CCDC144A: variants seen among roughly 807,000 people sequenced by gnomAD.
CCDC144A encodes coiled-coil domain-containing protein 144A.
A neutral mutation model predicts 143.8 loss-of-function variants in CCDC144A; 41 were observed. That is an observed-to-expected ratio of 0.29 (90% CI 0.22 to 0.37). The LOEUF is 0.37. CCDC144A is among the 10% of genes least tolerant of loss of function. The pLI is 1.00. For synonymous variants in CCDC144A, 242 were observed against 517.9 expected, an observed-to-expected ratio of 0.47 and a Z score of 7.23; for missense variants, 637 against 1,488.8, an observed-to-expected ratio of 0.43 and a Z score of 9.41.
At chr17:16,743,189 A>G (rs1914337816) in intron 12 of CCDC144A, among the ~76,000 whole-genome samples, 1 of 152,096 alleles carries the variant, frequency 6.6e-6, no homozygotes, top group Non-Finnish European at 1.5e-5. Flanking sequence ...CATTTTCCAT[A>G]TATTTTCTTG....
upstream of CCDC144A, among the ~76,000 whole-genome samples, chr17:16,689,307 T>C (rs1375209604): frequency 2.6e-5 from 4 of 152,142 alleles, no homozygotes; most frequent in African/African-American, 7.2e-5. Context: ...GAGATTCTCC[T>C]GTCTCAGCCT....
chr17:16,734,888 A>G lies in CCDC144A; in HGVS notation c.2617A>G (p.Thr873Ala). 2.5e-6 allele frequency: 4 copies of G among 1,569,818 alleles called. No individual in the cohort carries two copies. Among genetic ancestry groups the G allele is most frequent in the Middle Eastern group, 1.9e-4 (1 of 5,160 alleles). Residue 873 changes from threonine to alanine, a missense_variant, in exon 12 of 17, where the codon ACA becomes GCA. Physicochemically the swap from Thr to Ala is moderately conservative, Grantham distance 58 (BLOSUM62 0). Transcript: ENST00000399273. Reference protein sequence around the residue: ...LQKIIKLNEETLTETILQYSG... With the variant: ...LQKIIKLNEEALTETILQYSG... ...AAAAATTATAAAACTAAATGAGGAA[A>G]CATTAACAGAAACAATACTCCAGTA...
At chr17:16,743,250 G>T (rs1375898683) in intron 12 of CCDC144A, among the ~76,000 whole-genome samples, 2 of 151,634 alleles carry the variant, frequency 1.3e-5, no homozygotes, top group Non-Finnish European at 2.9e-5. Flanking sequence ...AATCTATTTT[G>T]AGTTGATTTT....
chr17:16,676,657 A>C, the CCDC144A span, among the ~76,000 whole-genome samples: 1 of 152,076 alleles, frequency 6.6e-6, no homozygotes, highest in Non-Finnish European at 1.5e-5. Context: ...GACAATTGTC[A>C]ATTTTCTTTT....
chr17:16,668,845 G>T, the CCDC144A span, among the ~76,000 whole-genome samples: 3 of 152,088 alleles, frequency 2.0e-5, no homozygotes. Flanking sequence ...AGGCTTTCTG[G>T]CCTCTTCTTA....
intron 2 of CCDC144A, among the ~76,000 whole-genome samples, chr17:16,698,276 C>T (rs1911533373): frequency 1.3e-5 from 2 of 152,120 alleles, no homozygotes; most frequent in South Asian, 4.2e-4. Context: ...AGTCATGTTG[C>T]AAAAATTTAC....
At chr17:16,690,766 C>T (rs767861059) in intron 1 of CCDC144A, 22 bp downstream of exon 1, 13 of 1,578,568 alleles carry the variant, frequency 8.2e-6, no homozygotes, top group Admixed American at 7.0e-5. Flanking sequence ...GCGAAGGATG[C>T]GCCGTCCTGT....
At chr17:16,757,912 G>A (rs1433687286) in intron 12 of CCDC144A, among the ~76,000 whole-genome samples, 2 of 152,158 alleles carry the variant, frequency 1.3e-5, no homozygotes, top group African/African-American at 4.8e-5. Flanking sequence ...CTGGTTTTGA[G>A]ATGATCCTGG....
the CCDC144A span, chr17:16,683,315 A>G: frequency 3.4e-6 from 2 of 581,866 alleles, no homozygotes; most frequent in Non-Finnish European, 6.1e-6. Flanking sequence ...TTGTCATTTA[A>G]AAAACGAATG....
the CCDC144A span, among the ~76,000 whole-genome samples, chr17:16,682,897 T>TG: frequency 3.5e-4 from 40 of 113,618 alleles, 1 homozygote; most frequent in Admixed American, 2.9e-3. Flanking sequence ...TTTTTTTTTT[T>TG]TTTTTTTTTT....
At position 16,723,854 on chromosome 17, in the gene CCDC144A, A is replaced by G. The variant is rs546512084; in HGVS notation, c.1891+3196A>G. Among the ~76,000 whole-genome samples, 201 of 152,324 alleles carry G rather than the reference A, an allele frequency of 1.3e-3. 1 individual carries two copies. The highest frequency in any genetic ancestry group is 4.7e-3 in the African/African-American group (196 of 41,554). ...TCAGACAATACCAGATGCTTATTGT[A>G]TCATTTCCTCTGCTTGCTTTGAGTT... is the stretch of plus-strand genomic sequence containing the variant. On this transcript the variant is annotated intron_variant, in intron 8 of 16. Transcript: ENST00000399273.
At chr17:16,754,310 C>A (rs975967330) in intron 12 of CCDC144A, among the ~76,000 whole-genome samples, 2 of 152,112 alleles carry the variant, frequency 1.3e-5, no homozygotes, top group Non-Finnish European at 2.9e-5. Flanking sequence ...AGTTTTGGGT[C>A]TGTTCTTGCT....
At chr17:16,686,328 G>A (rs535261185), upstream of CCDC144A, among the ~76,000 whole-genome samples, 4,441 of 152,114 alleles carry the variant, frequency 0.029, 219 homozygotes, top group African/African-American at 0.1. Flanking sequence ...CAAGTTGCCA[G>A]TGACTGTGGC....
In CCDC144A at chr17:16,708,763, A is replaced by C. The variant is rs541214695; in HGVS notation, c.739-33A>C. 6.8e-6 allele frequency: 11 copies of C among 1,611,274 alleles called. No individual in the cohort carries two copies. In the South Asian group the frequency reaches 1.1e-4, roughly 16 times the overall value. On this transcript the variant is annotated intron_variant, in intron 4 of 16. Coordinates refer to ENST00000399273, the MANE Select transcript of CCDC144A (RefSeq NM_001382000.1). ...AGAGAAGACACCCAAGAAATAAAAC[A>C]AGCAAATTAATCTTCCACTTTTGCA...
At chr17:16,696,328 C>G (rs1276981197) in intron 2 of CCDC144A, among the ~76,000 whole-genome samples, 2 of 149,926 alleles carry the variant, frequency 1.3e-5, no homozygotes, top group Non-Finnish European at 2.9e-5. Flanking sequence ...CTTTTTAATA[C>G]TACAGAAATG....
the CCDC144A span, among the ~76,000 whole-genome samples, chr17:16,668,460 T>C: frequency 6.6e-6 from 1 of 152,248 alleles, no homozygotes; most frequent in Admixed American, 6.5e-5. Flanking sequence ...ATAAAACTAC[T>C]TCGTTATGAA....
intron 12 of CCDC144A, among the ~76,000 whole-genome samples, chr17:16,755,876 T>TA (rs1167163736): frequency 6.6e-6 from 1 of 152,216 alleles, no homozygotes; most frequent in Non-Finnish European, 1.5e-5. Flanking sequence ...TTTTCAGTTT[T>TA]AAAGGATAGC....
rs2143119522 is a variant in CCDC144A, at chr17:16,709,249, G to A, written c.1192G>A (p.Glu398Lys). The part of the protein sequence containing the change: ...CQSSSKFHLH[E>K]NKLDCDNDNK... ...GTCATCTTCTAAGTTTCATTTACAT[G>A]AAAATAAATTAGACTGCGACAATGA... Residue 398 changes from glutamate to lysine, a missense_variant, in exon 5 of 17, where the codon GAA (glutamate) becomes AAA (lysine). Transcript: ENST00000399273. 3 of 1,611,646 alleles carry A rather than the reference G, an allele frequency of 1.9e-6. No homozygotes were observed. The highest frequency in any genetic ancestry group is 2.5e-6 in the Non-Finnish European group (3 of 1,179,638).
chr17:16,690,731 G>T lies in CCDC144A; in HGVS notation c.331G>T (p.Asp111Tyr). ...APGDTGVDKRDRKKSIQQLVP... is the reference protein window; with the variant it reads ...APGDTGVDKRYRKKSIQQLVP... ...TGGAGACACTGGCGTGGACAAGAGG[G>T]ATAGGAAGAAGAGGTAATGGCCAGG... The change falls in exon 1 of 17, where the codon GAT (aspartate) becomes TAT (tyrosine). Residue 111 changes from aspartate to tyrosine, a missense_variant. Coordinates refer to ENST00000399273, the MANE Select transcript of CCDC144A (RefSeq NM_001382000.1). The T allele has an allele frequency of 6.2e-7, 1 of 1,604,894 alleles. No homozygotes were observed. Among genetic ancestry groups the T allele is most frequent in the Non-Finnish European group, 8.5e-7 (1 of 1,173,050 alleles).
Sources: gnomAD v4.1 joint callset for allele counts (sites outside exome capture counted in the v4.1 genomes callset) on GRCh38, gnomAD v4.1.1 for gene constraint, MANE v1.5 for transcripts, NCBI Gene and HGNC (gene_info 2026-07-23, HGNC 2026-07-21) for gene names.